PDCD6: variants seen among roughly 807,000 people sequenced by gnomAD.
The protein encoded by PDCD6 is programmed cell death protein 6.
Under a neutral mutation model 28.3 loss-of-function variants are expected in PDCD6, and 12 were observed. That is an observed-to-expected ratio of 0.42 (90% CI 0.27 to 0.69). PDCD6 has a LOEUF of 0.69. PDCD6 is among the 30% of genes least tolerant of loss of function. PDCD6 has a pLI of 0.22. For missense variants in PDCD6, 226 were observed against 269.9 expected (o/e 0.84, Z 1.14); for synonymous variants, 92 against 108.0 (o/e 0.85, Z 0.92).
At chr5:273,697 G>GA (rs1037980851) in intron 2 of PDCD6, among the ~76,000 whole-genome samples, 4 of 152,128 alleles carry the variant, frequency 2.6e-5, no homozygotes, top group Non-Finnish European at 5.9e-5. Flanking sequence ...GTGGGTGGGG[G>GA]GGTGCTGGAT....
intron 2 of PDCD6, among the ~76,000 whole-genome samples, chr5:282,166 C>T (rs1467612615): frequency 3.1e-4 from 46 of 150,670 alleles, no homozygotes; most frequent in African/African-American, 1.1e-3. Flanking sequence ...GAGGGTTCTG[C>T]AGCTGAAGAC....
chr5:299,828 C>CAT (rs1561045111), intron 2 of PDCD6, among the ~76,000 whole-genome samples: 11 of 152,004 alleles, frequency 7.2e-5, no homozygotes, highest in African/African-American at 1.9e-4. Flanking sequence ...GGATTACAGG[C>CAT]GCCAGCCACC....
intron 1 of PDCD6, among the ~76,000 whole-genome samples, 193 bp from the exon 2 acceptor site, chr5:272,518 C>T (rs1737896267): frequency 7.0e-6 from 1 of 142,480 alleles, no homozygotes; most frequent in Non-Finnish European, 1.5e-5. Flanking sequence ...TGATTGTCCT[C>T]TTAGGGGAAG....
At chr5:290,008 T>C (rs1739219781) in intron 2 of PDCD6, 8 of 1,601,896 alleles carry the variant, frequency 5.0e-6, no homozygotes, top group Non-Finnish European at 6.0e-6. Context: ...TGTTAACAAT[T>C]CACATAGTCG....
At chr5:291,701 A>G (rs919264978) in intron 2 of PDCD6, among the ~76,000 whole-genome samples, 6 of 146,666 alleles carry the variant, frequency 4.1e-5, no homozygotes, top group African/African-American at 1.3e-4. Flanking sequence ...TCCCGTCTCC[A>G]TTCTCTCCCT....
chr5:291,866 G>A (rs1390402311), intron 2 of PDCD6, among the ~76,000 whole-genome samples: 5 of 152,220 alleles, frequency 3.3e-5, no homozygotes, highest in African/African-American at 1.2e-4. Context: ...GTTCTTGGGC[G>A]TTTCTTTTGT....
chr5:276,886 A>G (rs929272467), intron 2 of PDCD6: 10 of 984,702 alleles, frequency 1.0e-5, no homozygotes, highest in Middle Eastern at 5.2e-4. Flanking sequence ...GTGAACAGGT[A>G]TGAAGAAGAA....
At chr5:310,919 G>C (rs1004798624) in intron 4 of PDCD6, 1 of 216,328 alleles carries the variant, frequency 4.6e-6, no homozygotes, top group African/African-American at 2.4e-5. Flanking sequence ...AATCAATAAG[G>C]ACTTTGAAAG....
intron 4 of PDCD6, chr5:308,127 G>C (rs1444749206): frequency 6.6e-6 from 1 of 152,262 alleles, no homozygotes; most frequent in African/African-American, 2.4e-5. Flanking sequence ...TGCCGATTGC[G>C]GCCAGGGCCA....
intron 2 of PDCD6, among the ~76,000 whole-genome samples, chr5:298,498 A>G (rs999747646): frequency 2.0e-5 from 3 of 151,688 alleles, no homozygotes; most frequent in Non-Finnish European, 2.9e-5. Flanking sequence ...GCTCCGTTCC[A>G]AGCTCTGTGG....
chr5:273,798 G>A (rs142908110), intron 2 of PDCD6, among the ~76,000 whole-genome samples: 7 of 152,138 alleles, frequency 4.6e-5, no homozygotes. Flanking sequence ...AATATGTGGC[G>A]TGTGGGCCAC....
intron 2 of PDCD6, among the ~76,000 whole-genome samples, chr5:291,807 TGA>T (rs1739332312): frequency 6.6e-6 from 1 of 152,240 alleles, no homozygotes; most frequent in South Asian, 2.1e-4. Flanking sequence ...TTCCTGTGGA[TGA>T]GTGTTTGGCC....
chr5:296,430 G>A (rs1739616063), intron 2 of PDCD6, among the ~76,000 whole-genome samples: 1 of 152,200 alleles, frequency 6.6e-6, no homozygotes, highest in South Asian at 2.1e-4. Context: ...TGGTGTCACT[G>A]TTTGCACAGA....
At chr5:278,603 C>G (rs1738352460) in intron 2 of PDCD6, among the ~76,000 whole-genome samples, 1 of 150,796 alleles carries the variant, frequency 6.6e-6, no homozygotes, top group Non-Finnish European at 1.5e-5. Flanking sequence ...GTCCCAGCCA[C>G]TGGGGAGGCT....
At chr5:310,659 C>A (rs1025710480) in intron 4 of PDCD6, 1 of 152,658 alleles carries the variant, frequency 6.6e-6, no homozygotes, top group Non-Finnish European at 1.5e-5. Flanking sequence ...GAACTGGAAA[C>A]GGAATCCCAG....
At chr5:311,272 C>T (rs771582574) in intron 4 of PDCD6, 21 bp from the exon 5 acceptor site, 1 of 1,595,698 alleles carries the variant, frequency 6.3e-7, no homozygotes, top group South Asian at 1.1e-5. Context: ...CCTTCTCTGA[C>T]TCTGACTTTC....
intron 2 of PDCD6, among the ~76,000 whole-genome samples, chr5:277,627 G>C (rs1335508386): frequency 6.6e-6 from 1 of 151,664 alleles, no homozygotes; most frequent in Non-Finnish European, 1.5e-5. Flanking sequence ...GTACAGACAG[G>C]GTTTCACCAT....
At chr5:276,266 A>G in intron 2 of PDCD6, 3 of 1,133,786 alleles carry the variant, frequency 2.6e-6, no homozygotes, top group Non-Finnish European at 3.3e-6. Flanking sequence ...TGCTCCTGCC[A>G]TTGGATCATC....
intron 2 of PDCD6, among the ~76,000 whole-genome samples, chr5:277,508 A>T (rs1345176653): frequency 7.3e-5 from 11 of 151,560 alleles, no homozygotes; most frequent in Non-Finnish European, 1.0e-4. Context: ...TCACCGTGTC[A>T]GCCAGGATGG....
Sources: gnomAD v4.1 joint callset for allele counts (sites outside exome capture counted in the v4.1 genomes callset) on GRCh38, gnomAD v4.1.1 for gene constraint, MANE v1.5 for transcripts, NCBI Gene and HGNC (gene_info 2026-07-23, HGNC 2026-07-21) for gene names.